Variants in CACNA2D1 observed in about 807,000 individuals in gnomAD.
CACNA2D1 encodes voltage-dependent calcium channel subunit alpha-2/delta-1.
In CACNA2D1, 53 loss-of-function variants were observed where a neutral mutation model predicts 171.5. The ratio of observed to expected loss-of-function variants is 0.31; its 90% CI spans 0.25 to 0.39. The LOEUF (loss-of-function observed/expected upper bound fraction) is 0.39, where lower values mean the gene tolerates loss of function less well. Ranked by LOEUF, CACNA2D1 falls within the 10% of genes least tolerant of loss-of-function variation. The pLI is 1.00. For missense variants in CACNA2D1, 903 were observed against 1,299.8 expected (o/e 0.69, Z 4.69); for synonymous variants, 442 against 443.1 (o/e 1.00, Z 0.03).
intron 3 of CACNA2D1, among the ~76,000 whole-genome samples, chr7:82,190,855 G>C (rs1429642904): frequency 2.0e-5 from 3 of 151,492 alleles, no homozygotes; most frequent in African/African-American, 7.3e-5. Context: ...ATTTCTCTTT[G>C]AGCCTTGAAA....
chr7:81,954,687 CTTT>C (rs1318866582), intron 38 of CACNA2D1, among the ~76,000 whole-genome samples: 4 of 152,016 alleles, frequency 2.6e-5, no homozygotes, highest in Admixed American at 2.0e-4. Context: ...GGTTTTTGAT[CTTT>C]TTTTCTGAAT....
At chr7:82,202,280 C>T (rs1799523655) in intron 3 of CACNA2D1, among the ~76,000 whole-genome samples, 1 of 152,180 alleles carries the variant, frequency 6.6e-6, no homozygotes, top group African/African-American at 2.4e-5. Flanking sequence ...CCTACGATTC[C>T]TCAAGTGTTC....
chr7:82,138,459 T>G (rs951975690), intron 4 of CACNA2D1, among the ~76,000 whole-genome samples: 13 of 134,184 alleles, frequency 9.7e-5, no homozygotes, highest in South Asian at 2.5e-4. Context: ...GTTTTTTTTT[T>G]TTTTTGAGAC....
At chr7:82,204,614 C>T (rs2129211890) in intron 3 of CACNA2D1, among the ~76,000 whole-genome samples, 1 of 152,238 alleles carries the variant, frequency 6.6e-6, no homozygotes, top group South Asian at 2.1e-4. Context: ...GGCACATCTC[C>T]TCACTAGAAA....
At chr7:82,340,522 AT>A (rs1288079591) in intron 2 of CACNA2D1, among the ~76,000 whole-genome samples, 1 of 151,868 alleles carries the variant, frequency 6.6e-6, no homozygotes, top group Non-Finnish European at 1.5e-5. Flanking sequence ...GTGATTCACT[AT>A]TCCTAATAAT....
rs768751027 is a variant in CACNA2D1 at position 82,005,784 on chromosome 7, C to T, written c.1496G>A (p.Arg499Lys). 1 of 1,603,886 alleles carries T rather than the reference C, an allele frequency of 6.2e-7. No homozygotes were observed. The highest frequency in any genetic ancestry group is 8.5e-7 in the Non-Finnish European group (1 of 1,170,874). The change falls in exon 17 of 39, where the codon AGA (arginine) becomes AAA (lysine). Residue 499 changes from arginine to lysine, a missense_variant. By Grantham distance (26) the Arg-to-Lys change is conservative. Around this residue, in one of 5 missense-constraint regions of CACNA2D1, gnomAD observed 623 missense variants for 925.5 expected, o/e 0.67. Coordinates refer to ENST00000356860, the MANE Select transcript of CACNA2D1 (RefSeq NM_000722.4). ...TCTTACTGTAAAACGTGGTGTCAGT[C>T]TTTTAATATCTTCCAAAGACACATC... ...GVDVSLEDIKRLTPRFTLCPN... is the reference protein window; with the variant it reads ...GVDVSLEDIKKLTPRFTLCPN...
intron 7 of CACNA2D1, among the ~76,000 whole-genome samples, chr7:82,067,580 C>T (rs1228900254): frequency 6.6e-6 from 1 of 152,112 alleles, no homozygotes; most frequent in African/African-American, 2.4e-5. Flanking sequence ...AATGACTAAT[C>T]ATATTTACAA....
At chr7:81,961,285 T>C (rs1794082265) in intron 36 of CACNA2D1, among the ~76,000 whole-genome samples, 1 of 151,934 alleles carries the variant, frequency 6.6e-6, no homozygotes, top group Admixed American at 6.6e-5. Context: ...ACAACAAAAT[T>C]AAATTCTCCA....
At chr7:81,997,557 A>G (rs1798171218) in intron 18 of CACNA2D1, among the ~76,000 whole-genome samples, 1 of 151,684 alleles carries the variant, frequency 6.6e-6, no homozygotes, top group South Asian at 2.1e-4. Context: ...AACCATTCAC[A>G]ACTTTCTTTT....
chr7:81,993,585 C>T (rs867637187), intron 20 of CACNA2D1, among the ~76,000 whole-genome samples: 3 of 152,022 alleles, frequency 2.0e-5, no homozygotes, highest in East Asian at 1.9e-4. Flanking sequence ...TAGAATAATA[C>T]GTATGCACAG....
intron 3 of CACNA2D1, among the ~76,000 whole-genome samples, chr7:82,277,372 T>C (rs1809487546): frequency 6.6e-6 from 1 of 152,072 alleles, no homozygotes; most frequent in African/African-American, 2.4e-5. Context: ...CAGATAATTT[T>C]TGAATTTTCA....
At chr7:82,243,648 C>G (rs542444632) in intron 3 of CACNA2D1, among the ~76,000 whole-genome samples, 1 of 152,142 alleles carries the variant, frequency 6.6e-6, no homozygotes, top group Admixed American at 6.6e-5. Context: ...GGTGTTGTCA[C>G]GATCCCCCTT....
At chr7:81,959,613 T>TCAGAGCAGTCTAATAGTTTTC in intron 37 of CACNA2D1, 107 bp downstream of exon 37, 1 of 1,233,956 alleles carries the variant, frequency 8.1e-7, no homozygotes, top group Non-Finnish European at 1.2e-6. Context: ...TGCGAGGTGA[T>TCAGAGCAGTCTAATAGTTTTC]CAGAGCAGTC....
At chr7:81,961,688 T>TG (rs1326668488) in intron 36 of CACNA2D1, among the ~76,000 whole-genome samples, 82 of 152,120 alleles carry the variant, frequency 5.4e-4, no homozygotes, top group Admixed American at 2.4e-3. Flanking sequence ...AGTTAGAATT[T>TG]TAAAAATTAC....
intron 3 of CACNA2D1, among the ~76,000 whole-genome samples, chr7:82,301,605 C>T (rs1231871974): frequency 1.3e-5 from 2 of 152,062 alleles, no homozygotes; most frequent in African/African-American, 4.8e-5. Context: ...TTCCCACCAA[C>T]ATAGATGGTA....
intron 4 of CACNA2D1, among the ~76,000 whole-genome samples, chr7:82,143,979 C>T (rs1563111780): frequency 6.6e-6 from 1 of 152,124 alleles, no homozygotes; most frequent in Non-Finnish European, 1.5e-5. Context: ...TCATGTGATT[C>T]TGTCTGGCTA....
At chr7:82,182,271 A>T (rs2129171337) in intron 3 of CACNA2D1, among the ~76,000 whole-genome samples, 1 of 152,296 alleles carries the variant, frequency 6.6e-6, no homozygotes, top group African/African-American at 2.4e-5. Flanking sequence ...TAAGAAAATG[A>T]TCAAATCTCT....
chr7:82,442,453 G>T (rs1830577631), intron 1 of CACNA2D1, among the ~76,000 whole-genome samples: 1 of 152,136 alleles, frequency 6.6e-6, no homozygotes, highest in African/African-American at 2.4e-5. Flanking sequence ...GCTATTCGGT[G>T]CATTAAAAAA....
At chr7:82,417,246 G>T (rs1405604763) in intron 1 of CACNA2D1, among the ~76,000 whole-genome samples, 1 of 152,176 alleles carries the variant, frequency 6.6e-6, no homozygotes, top group African/African-American at 2.4e-5. Context: ...TTTTGAGAGT[G>T]AAAGGGCACT....
Sources: allele counts gnomAD v4.1 joint callset (sites outside exome capture counted in the v4.1 genomes callset), GRCh38; gene constraint gnomAD v4.1.1; regional missense constraint gnomAD v4.1.1; transcripts MANE v1.5; gene names NCBI Gene and HGNC (gene_info 2026-07-23, HGNC 2026-07-21).